Variants in HPSE2 observed in about 807,000 individuals in gnomAD.
HPSE2 encodes inactive heparanase-2.
In HPSE2, 38 loss-of-function variants were observed where a neutral mutation model predicts 60.5. That is an observed-to-expected ratio of 0.63 (90% CI 0.48 to 0.82). HPSE2 has a LOEUF of 0.82. HPSE2 is among the 40% of genes least tolerant of loss of function. HPSE2 has a pLI of 0.00. For missense variants in HPSE2, 713 were observed against 740.4 expected (o/e 0.96, Z 0.43); for synonymous variants, 295 against 293.2 (o/e 1.01, Z -0.06).
At chr10:98,952,579 C>A (rs1955395098) in intron 3 of HPSE2, among the ~76,000 whole-genome samples, 1 of 152,126 alleles carries the variant, frequency 6.6e-6, no homozygotes, top group Non-Finnish European at 1.5e-5. Flanking sequence ...TGACCAGCCA[C>A]TGAGGACAAA....
intron 3 of HPSE2, among the ~76,000 whole-genome samples, chr10:98,919,319 A>C (rs942912146): frequency 2.0e-5 from 3 of 152,216 alleles, no homozygotes; most frequent in Non-Finnish European, 2.9e-5. Context: ...AAGTTAGCAA[A>C]GTGGACATAG....
At chr10:98,762,032 TC>T (rs1334911910) in intron 3 of HPSE2, among the ~76,000 whole-genome samples, 1 of 148,088 alleles carries the variant, frequency 6.8e-6, no homozygotes, top group Non-Finnish European at 1.5e-5. Flanking sequence ...TCCTCTCCTT[TC>T]CTTCCCTTTC....
intron 3 of HPSE2, among the ~76,000 whole-genome samples, chr10:99,014,831 TAAACTC>T (rs1163104132): frequency 6.6e-6 from 1 of 152,118 alleles, no homozygotes; most frequent in Non-Finnish European, 1.5e-5. Context: ...GGGATCTAAT[TAAACTC>T]AAGAGCTTCT....
intron 9 of HPSE2, 125 bp from the exon 10 acceptor site, chr10:98,490,321 C>T (rs1406774052): frequency 1.0e-5 from 12 of 1,178,236 alleles, no homozygotes; most frequent in Non-Finnish European, 1.1e-5. Context: ...TACCTGGAGT[C>T]ATGAGTCATG....
At chr10:98,932,604 T>C (rs1452852463) in intron 3 of HPSE2, among the ~76,000 whole-genome samples, 2 of 26,658 alleles carry the variant, frequency 7.5e-5, no homozygotes, top group Admixed American at 6.9e-4. Flanking sequence ...GGAGCTGGGC[T>C]TTTTTTTTTT....
rs143645278 is a variant in HPSE2, at chr10:98,665,820, A to G, written c.1005-23880T>C. 8.3e-3 allele frequency among the ~76,000 whole-genome samples: 1,265 copies of G among 152,334 alleles called. 22 individuals carry two copies. The highest frequency in any genetic ancestry group is 0.058 in the Middle Eastern group (17 of 294). ...TGGGAACAAAAGGTTGATACCTGCTACCACAAAAGTCACTCAAGCACATAG... is the reference window on the plus strand; with the variant it reads ...TGGGAACAAAAGGTTGATACCTGCTGCCACAAAAGTCACTCAAGCACATAG... On this transcript the variant is annotated intron_variant, in intron 6 of 11. Transcript: ENST00000370552.
At chr10:98,502,635 T>C (rs1942064720) in intron 9 of HPSE2, among the ~76,000 whole-genome samples, 1 of 152,168 alleles carries the variant, frequency 6.6e-6, no homozygotes, top group African/African-American at 2.4e-5. Flanking sequence ...AGACATTGGT[T>C]TAGGCATGGA....
intron 2 of HPSE2, among the ~76,000 whole-genome samples, chr10:99,148,013 A>C (rs1846119311): frequency 1.3e-5 from 2 of 152,250 alleles, no homozygotes; most frequent in African/African-American, 4.8e-5. Context: ...TTAAGATCTT[A>C]CTAAGATTTG....
chr10:98,982,973 A>T (rs2487880), intron 3 of HPSE2, among the ~76,000 whole-genome samples: 141,124 of 152,162 alleles, frequency 0.93, 65,744 homozygotes, highest in East Asian at 0.99. Flanking sequence ...GGTAGGTCAT[A>T]CAAATTCTTT....
At chr10:99,207,417 A>G (rs868125769) in intron 2 of HPSE2, among the ~76,000 whole-genome samples, 16 of 152,236 alleles carry the variant, frequency 1.1e-4, no homozygotes, top group Non-Finnish European at 2.4e-4. Flanking sequence ...TCTGAAAGAA[A>G]AAGATGCTAA....
chr10:99,235,981 C>T, upstream of HPSE2: 1 of 468,106 alleles, frequency 2.1e-6, no homozygotes, highest in Non-Finnish European at 3.7e-6. Flanking sequence ...CTCGCTCGCT[C>T]GCTCGTTTTG....
chr10:98,564,691 A>G (rs1944289041), intron 9 of HPSE2, among the ~76,000 whole-genome samples: 1 of 152,230 alleles, frequency 6.6e-6, no homozygotes, highest in African/African-American at 2.4e-5. Flanking sequence ...AAGGCAGTTT[A>G]GTTAAACTAA....
intron 3 of HPSE2, among the ~76,000 whole-genome samples, chr10:99,081,755 G>T (rs1473954567): frequency 2.0e-5 from 3 of 151,948 alleles, no homozygotes; most frequent in Non-Finnish European, 4.4e-5. Context: ...TCCTGCCTCA[G>T]CCTCCTGAGT....
chr10:98,855,209 T>G (rs1952281680), intron 3 of HPSE2, among the ~76,000 whole-genome samples: 2 of 152,154 alleles, frequency 1.3e-5, no homozygotes, highest in Non-Finnish European at 2.9e-5. Context: ...AGGTGGAGTA[T>G]GGACTAGTAT....
intron 3 of HPSE2, among the ~76,000 whole-genome samples, chr10:99,143,536 A>G (rs1845941832): frequency 6.6e-6 from 1 of 152,178 alleles, no homozygotes; most frequent in South Asian, 2.1e-4. Flanking sequence ...TCTCAAGAAA[A>G]TGGAGGTAAC....
At chr10:99,250,176 C>G in the HPSE2 span, among the ~76,000 whole-genome samples, 1 of 151,888 alleles carries the variant, frequency 6.6e-6, no homozygotes, top group Non-Finnish European at 1.5e-5. Flanking sequence ...AGCACCTCCC[C>G]TTTTATTTCT....
chr10:99,067,581 C>G (rs1470103413), intron 3 of HPSE2, among the ~76,000 whole-genome samples: 1 of 152,194 alleles, frequency 6.6e-6, no homozygotes, highest in African/African-American at 2.4e-5. Flanking sequence ...AAGTAATAGT[C>G]TGAGCTGTAT....
At chr10:98,818,572 C>T (rs1161282421) in intron 3 of HPSE2, among the ~76,000 whole-genome samples, 1 of 152,162 alleles carries the variant, frequency 6.6e-6, no homozygotes, top group Non-Finnish European at 1.5e-5. Context: ...TGGATCCCTG[C>T]TCTAACAGGC....
At chr10:98,984,901 A>T (rs1487301302) in intron 3 of HPSE2, among the ~76,000 whole-genome samples, 1 of 152,226 alleles carries the variant, frequency 6.6e-6, no homozygotes, top group Admixed American at 6.5e-5. Flanking sequence ...GTGATGGAAG[A>T]TCAAATGAAT....
Sources: gnomAD v4.1 joint callset for allele counts (sites outside exome capture counted in the v4.1 genomes callset) on GRCh38, gnomAD v4.1.1 for gene constraint, MANE v1.5 for transcripts, NCBI Gene and HGNC (gene_info 2026-07-23, HGNC 2026-07-21) for gene names.